SH3BGRL2: variants seen among roughly 807,000 people sequenced by gnomAD.
SH3BGRL2 encodes SH3 domain binding glutamate rich protein like 2.
A neutral mutation model predicts 14.8 loss-of-function variants in SH3BGRL2; 21 were observed. The ratio of observed to expected loss-of-function variants is 1.42; its 90% confidence interval spans 1.01 to 2.05. The LOEUF (loss-of-function observed/expected upper bound fraction) is 2.05. SH3BGRL2 is among the 30% of genes most tolerant of loss of function. The pLI is 0.00. For missense variants in SH3BGRL2, 147 were observed against 130.8 expected (o/e 1.12, Z -0.61); for synonymous variants, 50 against 47.8 (o/e 1.05, Z -0.19).
At chr6:79,613,635 G>T in the SH3BGRL2 span, among the ~76,000 whole-genome samples, 1 of 151,722 alleles carries the variant, frequency 6.6e-6, no homozygotes, top group African/African-American at 2.4e-5. Flanking sequence ...TTTTGAGACA[G>T]AGTTTCACTT....
At chr6:79,683,010 T>TGG (rs1770017945) in intron 2 of SH3BGRL2, among the ~76,000 whole-genome samples, 3 of 152,184 alleles carry the variant, frequency 2.0e-5, no homozygotes. Context: ...TGAGATCATT[T>TGG]GGACACAGGG....
At chr6:79,658,772 G>A (rs545541972) in intron 1 of SH3BGRL2, among the ~76,000 whole-genome samples, 17 of 152,272 alleles carry the variant, frequency 1.1e-4, no homozygotes, top group Non-Finnish European at 1.5e-4. Context: ...GTGTAAAAGC[G>A]TTCCTATTTC....
chr6:79,636,227 G>A (rs1273484898), intron 1 of SH3BGRL2, among the ~76,000 whole-genome samples: 1 of 152,200 alleles, frequency 6.6e-6, no homozygotes, highest in Admixed American at 6.5e-5. Flanking sequence ...GTCAAACCCT[G>A]GTGGGCAGGT....
chr6:79,700,864 A>G lies in SH3BGRL2; in HGVS notation c.*1355A>G, dbSNP rs1321310341. On this transcript the variant is annotated 3_prime_UTR_variant, in exon 4 of 4. Transcript: ENST00000369838. ...ATGGGAACAGCCTTGAATAGGATAA[A>G]TTTTCAGAGGGCTGCCTAAAATATT... 6.6e-6 allele frequency: 1 copy of G among 152,074 alleles called. No homozygotes were observed. Among genetic ancestry groups the G allele is most frequent in the Non-Finnish European group, 1.5e-5 (1 of 68,026 alleles). The allele number at this position is 152,074 out of a possible 1,614,324, so 9.4% of individuals were successfully genotyped here.
At chr6:79,548,824 A>G in the SH3BGRL2 span, among the ~76,000 whole-genome samples, 2 of 152,220 alleles carry the variant, frequency 1.3e-5, no homozygotes, top group African/African-American at 4.8e-5. Context: ...GTCTGGATCT[A>G]ATAGGAGGAA....
chr6:79,545,695 A>G, the SH3BGRL2 span, among the ~76,000 whole-genome samples: 1 of 152,228 alleles, frequency 6.6e-6, no homozygotes, highest in African/African-American at 2.4e-5. Flanking sequence ...GAAAACTGTA[A>G]AACATTGACA....
At chr6:79,597,345 AGAAAG>A in the SH3BGRL2 span, among the ~76,000 whole-genome samples, 1 of 150,906 alleles carries the variant, frequency 6.6e-6, no homozygotes, top group Non-Finnish European at 1.5e-5. Flanking sequence ...AAAAAAGAAA[AGAAAG>A]AGGAAGGATG....
intron 1 of SH3BGRL2, among the ~76,000 whole-genome samples, chr6:79,639,939 C>A (rs1359416709): frequency 6.6e-6 from 1 of 152,164 alleles, no homozygotes; most frequent in Admixed American, 6.5e-5. Flanking sequence ...CATTTTCTTT[C>A]TTCTGTGAAA....
chr6:79,648,834 A>T, intron 1 of SH3BGRL2, among the ~76,000 whole-genome samples: 1 of 152,220 alleles, frequency 6.6e-6, no homozygotes, highest in East Asian at 1.9e-4. Flanking sequence ...TTTGGAAAAC[A>T]TAAAGGCTGT....
chr6:79,639,958 G>A (rs1003675649), intron 1 of SH3BGRL2, among the ~76,000 whole-genome samples: 3 of 152,182 alleles, frequency 2.0e-5, no homozygotes, highest in African/African-American at 7.2e-5. Flanking sequence ...AATGGCAAGT[G>A]CTTGTTAACT....
chr6:79,575,299 A>G, the SH3BGRL2 span: 1 of 152,148 alleles, frequency 6.6e-6, no homozygotes, highest in Non-Finnish European at 1.5e-5. Context: ...AAAATCCTGG[A>G]TAGTCTTACT....
chr6:79,692,500 T>A (rs932793212), intron 2 of SH3BGRL2, among the ~76,000 whole-genome samples: 16 of 152,224 alleles, frequency 1.1e-4, no homozygotes, highest in African/African-American at 3.6e-4. Flanking sequence ...GTCTAACATT[T>A]AAGTCTTTAA....
At chr6:79,566,389 C>G in the SH3BGRL2 span, among the ~76,000 whole-genome samples, 1 of 152,076 alleles carries the variant, frequency 6.6e-6, no homozygotes, top group Admixed American at 6.5e-5. Context: ...TGAGACCCCA[C>G]TATGATTTTA....
At chr6:79,660,137 C>G (rs1381093104) in intron 1 of SH3BGRL2, among the ~76,000 whole-genome samples, 3 of 152,176 alleles carry the variant, frequency 2.0e-5, no homozygotes, top group African/African-American at 7.2e-5. Flanking sequence ...TTATTTCTTT[C>G]TCTTGCCTGA....
chr6:79,603,614 C>T, the SH3BGRL2 span, among the ~76,000 whole-genome samples: 3 of 152,108 alleles, frequency 2.0e-5, no homozygotes, highest in African/African-American at 7.2e-5. Context: ...TCTTGTGCAA[C>T]GTCACAGGAT....
At position 79,674,685 on chromosome 6, in the gene SH3BGRL2, C is replaced by A. The variant is rs181146236; in HGVS notation, c.231+886C>A. On this transcript the variant is annotated intron_variant, in intron 2 of 3. Coordinates refer to ENST00000369838, the MANE Select transcript of SH3BGRL2 (RefSeq NM_031469.4). ...CTTCAAAGAAAACAATCCTTTCCCC[C>A]ACGTGCGTAATGGAGAATGAGAAGT... is the stretch of plus-strand genomic sequence containing the variant. 1.2e-4 allele frequency among the ~76,000 whole-genome samples: 19 copies of A among 152,222 alleles called. No homozygotes were observed. In the East Asian group the frequency reaches 3.5e-3, roughly 28 times the overall value.
At chr6:79,693,737 A>G (rs1257291602) in intron 2 of SH3BGRL2, among the ~76,000 whole-genome samples, 1 of 152,202 alleles carries the variant, frequency 6.6e-6, no homozygotes, top group African/African-American at 2.4e-5. Flanking sequence ...AAGCTTTTTG[A>G]TATACTGCTG....
chr6:79,620,338 C>T, the SH3BGRL2 span, among the ~76,000 whole-genome samples: 5 of 151,216 alleles, frequency 3.3e-5, no homozygotes, highest in South Asian at 4.2e-4. Context: ...GATTTCCTTC[C>T]GACCTTTATG....
the SH3BGRL2 span, among the ~76,000 whole-genome samples, chr6:79,550,356 C>T: frequency 6.6e-6 from 1 of 151,832 alleles, no homozygotes; most frequent in Admixed American, 6.6e-5. Flanking sequence ...CTGTCTACTG[C>T]AATGGAAAGT....
Sources: allele counts gnomAD v4.1 joint callset (sites outside exome capture counted in the v4.1 genomes callset), GRCh38; gene constraint gnomAD v4.1.1; transcripts MANE v1.5; gene names NCBI Gene and HGNC (gene_info 2026-07-23, HGNC 2026-07-21).